The following ENO4 variants were observed in gnomAD, a reference collection of about 807,000 sequenced individuals.
ENO4 encodes enolase 4.
ENO4 carries 53 observed loss-of-function variants against 63.2 expected under a neutral mutation model. The ratio of observed to expected loss-of-function variants is 0.84; its 90% CI spans 0.67 to 1.05. The LOEUF (loss-of-function observed/expected upper bound fraction) is 1.05. Among genes scored for constraint, ENO4 ranks in the 50% least tolerant of loss-of-function variants. The pLI is 0.00. For synonymous variants in ENO4, 266 were observed against 283.8 expected (o/e 0.94, Z 0.63); for missense variants, 719 against 772.0 (o/e 0.93, Z 0.81).
At chr10:116,878,965 G>T (rs1333905720) in intron 11 of ENO4, among the ~76,000 whole-genome samples, 1 of 151,912 alleles carries the variant, frequency 6.6e-6, no homozygotes, top group Non-Finnish European at 1.5e-5. Flanking sequence ...GGATGGTCTC[G>T]ATCTCCTGAC....
At chr10:116,857,003 A>T (rs1250460714) in intron 3 of ENO4, among the ~76,000 whole-genome samples, 3 of 152,070 alleles carry the variant, frequency 2.0e-5, no homozygotes, top group East Asian at 1.9e-4. Flanking sequence ...AAAAAAAAAA[A>T]AGAAAATCAA....
chr10:116,857,405 A>G (rs1846294397), intron 3 of ENO4, among the ~76,000 whole-genome samples: 1 of 152,192 alleles, frequency 6.6e-6, no homozygotes, highest in East Asian at 1.9e-4. Context: ...TGCTTTGCCC[A>G]TAGGTTGACT....
At chr10:116,895,193 C>T (rs1392871707) in intron 10 of ENO4, among the ~76,000 whole-genome samples, 1 of 152,122 alleles carries the variant, frequency 6.6e-6, no homozygotes, top group Non-Finnish European at 1.5e-5. Context: ...AAGCATCTTT[C>T]TAATCCAATG....
intron 10 of ENO4, among the ~76,000 whole-genome samples, chr10:116,875,099 C>T (rs771586224): frequency 6.6e-6 from 1 of 152,160 alleles, no homozygotes; most frequent in African/African-American, 2.4e-5. Flanking sequence ...AATTTAAATT[C>T]TTGATTTTAT....
downstream of ENO4, chr10:116,884,324 G>A: frequency 2.2e-6 from 1 of 447,088 alleles, no homozygotes; most frequent in South Asian, 1.6e-5. Context: ...ACTGTAGGCA[G>A]AAAAAGGTGA....
At chr10:116,890,858 A>G (rs944626628) in intron 10 of ENO4, among the ~76,000 whole-genome samples, 4 of 152,256 alleles carry the variant, frequency 2.6e-5, no homozygotes, top group African/African-American at 9.6e-5. Context: ...GGACTCAGTG[A>G]TTTCTCAGAC....
intron 4 of ENO4, 108 bp downstream of exon 4, chr10:116,859,246 G>C: frequency 7.7e-7 from 1 of 1,302,448 alleles, no homozygotes; most frequent in Non-Finnish European, 1.0e-6. Flanking sequence ...CCTACTTTGG[G>C]CTCACGGCTA....
chr10:116,866,791 G>A (rs915088919), intron 7 of ENO4, among the ~76,000 whole-genome samples: 1 of 151,380 alleles, frequency 6.6e-6, no homozygotes, highest in Admixed American at 6.6e-5. Context: ...GGTGACAGAG[G>A]GAGATCCTGT....
chr10:116,887,943 G>C (rs926487291), intron 10 of ENO4, among the ~76,000 whole-genome samples: 6 of 152,148 alleles, frequency 3.9e-5, no homozygotes, highest in African/African-American at 1.4e-4. Flanking sequence ...GCATGACCCG[G>C]TCACGGGCAC....
At chr10:116,858,936 CAG>C in intron 3 of ENO4, 52 bp from the exon 4 acceptor site, 2 of 1,238,422 alleles carry the variant, frequency 1.6e-6, no homozygotes, top group Non-Finnish European at 2.2e-6. Flanking sequence ...ACCAAAATCA[CAG>C]AGTGATATTC....
At chr10:116,882,725 CA>C (rs1223979520), downstream of ENO4, 3 of 152,164 alleles carry the variant, frequency 2.0e-5, no homozygotes, top group Admixed American at 1.3e-4. Context: ...TTAATTTCCT[CA>C]TAACAGAGCC....
rs1340906789 is a variant in ENO4 at position 116,881,887 on chromosome 10, T to C, written c.*218T>C. 5.0e-6 allele frequency: 2 copies of C among 397,136 alleles called. No individual in the cohort carries two copies. Among genetic ancestry groups the C allele is most frequent in the Non-Finnish European group, 8.8e-6 (2 of 227,404 alleles). The allele number at this position is 397,136 out of a possible 1,614,324, so 24.6% of individuals were successfully genotyped here. ...TGCAGCCACCACACTTCCATGTGGA[T>C]TTTGTTTGTCTATTAGCTCTCCTGT... is the stretch of plus-strand genomic sequence containing the variant. On this transcript the variant is annotated 3_prime_UTR_variant, in exon 14 of 14. Transcript: ENST00000341276.
rs1335288374 is a variant in ENO4 at position 116,876,129 on chromosome 10, C to G, written c.1406C>G (p.Thr469Ser). 7 of 1,550,874 alleles carry G rather than the reference C, an allele frequency of 4.5e-6. No homozygotes were observed. The highest frequency in any genetic ancestry group is 6.1e-6 in the Non-Finnish European group (7 of 1,146,990). Residue 469 changes from threonine to serine, a missense_variant, in exon 11 of 14, where the codon ACT (threonine) becomes AGT (serine). By Grantham distance (58) the Thr-to-Ser change is moderately conservative. Transcript: ENST00000341276. ...LGSRCYIIAGTASKSISKLLE... is the reference protein window; with the variant it reads ...LGSRCYIIAGSASKSISKLLE... ...TCCAGGTGTTACATAATTGCAGGAA[C>G]TGCTTCCAAAAGCATTTCTAAACTT...
intron 11 of ENO4, among the ~76,000 whole-genome samples, chr10:116,879,047 T>G (rs1846922497): frequency 6.6e-6 from 1 of 152,294 alleles, no homozygotes; most frequent in African/African-American, 2.4e-5. Flanking sequence ...CCAGCCATCA[T>G]GTATCTTAAT....
chr10:116,861,308 A>G (rs1487222039), intron 6 of ENO4, 118 bp downstream of exon 6: 1 of 310,398 alleles, frequency 3.2e-6, no homozygotes, highest in African/African-American at 2.2e-5. Flanking sequence ...AATGAGAAAA[A>G]AAATATTTTA....
intron 7 of ENO4, among the ~76,000 whole-genome samples, chr10:116,863,759 G>A (rs1302997126): frequency 6.6e-6 from 1 of 152,188 alleles, no homozygotes; most frequent in Admixed American, 6.5e-5. Context: ...CCCCTGCCGC[G>A]ATGGTGGTTG....
At chr10:116,888,452 C>T (rs571489331) in intron 10 of ENO4, among the ~76,000 whole-genome samples, 96 of 152,348 alleles carry the variant, frequency 6.3e-4, no homozygotes, top group African/African-American at 2.2e-3. Context: ...TCTGCTGCTT[C>T]TGCGTCTGAC....
chr10:116,891,642 G>T (rs1343921562), intron 10 of ENO4, among the ~76,000 whole-genome samples: 1 of 152,106 alleles, frequency 6.6e-6, no homozygotes, highest in African/African-American at 2.4e-5. Context: ...TACAGTTACT[G>T]CAGTGAACAG....
At chr10:116,870,047 A>G (rs1414806352) in intron 8 of ENO4, among the ~76,000 whole-genome samples, 1 of 152,206 alleles carries the variant, frequency 6.6e-6, no homozygotes, top group Non-Finnish European at 1.5e-5. Flanking sequence ...CAGTTGATGG[A>G]CAAAAATTTC....
Sources: allele counts gnomAD v4.1 joint callset (sites outside exome capture counted in the v4.1 genomes callset), GRCh38; gene constraint gnomAD v4.1.1; transcripts MANE v1.5; gene names NCBI Gene and HGNC (gene_info 2026-07-23, HGNC 2026-07-21).